Variants in FER observed in about 807,000 individuals in gnomAD.
FER encodes FER tyrosine kinase.
Under a neutral mutation model 111.0 loss-of-function variants are expected in FER, and 63 were observed. The observed-to-expected ratio is 0.57, with a 90% CI of 0.46 to 0.70. The LOEUF is 0.70. Ranked by LOEUF, FER falls within the 30% of genes least tolerant of loss-of-function variation. FER has a pLI of 0.00. For synonymous variants in FER, 327 were observed against 313.9 expected (o/e 1.04, Z -0.44); for missense variants, 914 against 954.0 (o/e 0.96, Z 0.55).
intron 16 of FER, among the ~76,000 whole-genome samples, chr5:109,076,305 T>C (rs2150007562): frequency 6.6e-6 from 1 of 152,354 alleles, no homozygotes; most frequent in Middle Eastern, 3.4e-3. Context: ...TTTATTACTA[T>C]GCTTTCATTG....
chr5:108,842,683 C>G (rs966047951), intron 5 of FER: 2 of 152,058 alleles, frequency 1.3e-5, no homozygotes, highest in Admixed American at 6.5e-5. Flanking sequence ...CAAATCAAAA[C>G]CACAATGTGA....
At chr5:108,863,664 C>T (rs1365377912) in intron 5 of FER, among the ~76,000 whole-genome samples, 1 of 151,900 alleles carries the variant, frequency 6.6e-6, no homozygotes, top group Non-Finnish European at 1.5e-5. Context: ...TAAATCTTCT[C>T]TAGGGATTTA....
intron 16 of FER, among the ~76,000 whole-genome samples, chr5:109,072,503 A>T (rs1319992132): frequency 2.0e-5 from 3 of 151,828 alleles, no homozygotes; most frequent in African/African-American, 7.2e-5. Context: ...TGTTGTTACA[A>T]CGAAAAATAA....
intron 10 of FER, among the ~76,000 whole-genome samples, chr5:108,939,679 A>G (rs1581300327): frequency 1.3e-5 from 2 of 152,080 alleles, no homozygotes; most frequent in South Asian, 2.1e-4. Flanking sequence ...CAAAAGAAGT[A>G]CAATATTATA....
intron 13 of FER, among the ~76,000 whole-genome samples, chr5:109,019,902 C>T (rs191530280): frequency 2.2e-3 from 332 of 151,960 alleles, no homozygotes; most frequent in African/African-American, 7.5e-3. Context: ...AACATTATCA[C>T]CAAAATCACC....
chr5:109,006,709 G>A (rs1765544790), intron 13 of FER, among the ~76,000 whole-genome samples: 1 of 152,052 alleles, frequency 6.6e-6, no homozygotes, highest in African/African-American at 2.4e-5. Context: ...TTATTTACAT[G>A]TGATTTCTAA....
intron 10 of FER, among the ~76,000 whole-genome samples, chr5:108,940,678 C>G (rs72793933): frequency 0.12 from 18,882 of 151,982 alleles, 1,233 homozygotes; most frequent in Middle Eastern, 0.17. Context: ...ACCCACAGAG[C>G]GAAGCACTAT....
chr5:109,047,079 A>G (rs111576582), intron 15 of FER, 25 bp from the exon 16 acceptor site: 2 of 1,051,262 alleles, frequency 1.9e-6, no homozygotes, highest in Non-Finnish European at 1.5e-6. Flanking sequence ...AATGATAACT[A>G]TTCGTATATT....
chr5:108,981,198 T>C (rs944131212), intron 13 of FER, among the ~76,000 whole-genome samples: 2 of 152,234 alleles, frequency 1.3e-5, no homozygotes, highest in Middle Eastern at 3.4e-3. Flanking sequence ...TTTAGTTTAC[T>C]TCCATTGTTT....
At chr5:108,793,688 G>C (rs980597036) in intron 2 of FER, among the ~76,000 whole-genome samples, 12 of 151,906 alleles carry the variant, frequency 7.9e-5, no homozygotes, top group Non-Finnish European at 8.8e-5. Flanking sequence ...TTTGTTTTCT[G>C]GTTGTTTTAT....
At chr5:108,987,186 C>T (rs1762665796) in intron 13 of FER, among the ~76,000 whole-genome samples, 1 of 152,132 alleles carries the variant, frequency 6.6e-6, no homozygotes, top group Non-Finnish European at 1.5e-5. Context: ...TGGCTCACAC[C>T]TGTAATCCCA....
chr5:108,765,426 TTTTC>T lies in FER; in HGVS notation c.-205-2663_-205-2660del, dbSNP rs1234806955. Among the ~76,000 whole-genome samples the T allele has an allele frequency of 2.0e-5, 3 of 152,246 alleles. No individual in the cohort carries two copies. In the East Asian group the frequency reaches 5.8e-4, roughly 29 times the overall value. ...TGTGACTAGCTTACTTTCTTTTCTC[TTTTC>T]TTTTTTTTTGACAGGGTATTGCTCT... On this transcript the variant is annotated intron_variant, in intron 1 of 19. Coordinates refer to ENST00000281092, the MANE Select transcript of FER (RefSeq NM_005246.4).
chr5:109,104,425 G>T (rs1748631916), intron 17 of FER, among the ~76,000 whole-genome samples: 1 of 152,136 alleles, frequency 6.6e-6, no homozygotes, highest in African/African-American at 2.4e-5. Flanking sequence ...GAATTCTTTG[G>T]GAGTAATATC....
chr5:109,055,110 A>C (rs183859262), intron 16 of FER, among the ~76,000 whole-genome samples: 1 of 152,300 alleles, frequency 6.6e-6, no homozygotes, highest in Non-Finnish European at 1.5e-5. Context: ...CTGCATTTTC[A>C]CATACAAAAG....
intron 19 of FER, 130 bp downstream of exon 19, chr5:109,186,452 CAGAAGCAGAT>C (rs1288053819): frequency 7.4e-7 from 1 of 1,342,900 alleles, no homozygotes; most frequent in African/African-American, 1.4e-5. Flanking sequence ...CTCTGGGGTT[CAGAAGCAGAT>C]TTATCTAACA....
intron 1 of FER, among the ~76,000 whole-genome samples, chr5:108,766,372 G>A (rs964363691): frequency 7.9e-5 from 12 of 152,178 alleles, no homozygotes; most frequent in Non-Finnish European, 2.9e-5. Context: ...CATTCATTTG[G>A]TAGTCACTTG....
chr5:108,887,536 T>C (rs778568903), intron 9 of FER, among the ~76,000 whole-genome samples: 6 of 151,542 alleles, frequency 4.0e-5, no homozygotes, highest in Non-Finnish European at 7.4e-5. Flanking sequence ...AAATATAGAA[T>C]GAAAGAAATA....
In FER at chr5:109,047,150, G is replaced by A; in HGVS notation, c.1876G>A (p.Val626Ile). The A allele has an allele frequency of 6.2e-7, 1 of 1,609,296 alleles. No homozygotes were observed. The highest frequency in any genetic ancestry group is 8.5e-7 in the Non-Finnish European group (1 of 1,177,650). Residue 626 changes from valine to isoleucine, a missense_variant, in exon 16 of 20, where the codon GTT becomes ATT. Val to Ile is a conservative substitution (Grantham distance 29, BLOSUM62 3). Transcript: ENST00000281092. Reference protein sequence around the residue: ...DHPNIVKLIGVCTQRQPVYII... With the variant: ...DHPNIVKLIGICTQRQPVYII... The stretch of plus-strand genomic sequence containing the variant: ...TCCCAATATTGTCAAACTTATAGGA[G>A]TTTGCACACAAAGACAGCCTGTCTA...
At chr5:109,122,630 T>C (rs1441630068) in intron 17 of FER, among the ~76,000 whole-genome samples, 2 of 151,862 alleles carry the variant, frequency 1.3e-5, no homozygotes, top group Non-Finnish European at 2.9e-5. Flanking sequence ...TTTGTTCATT[T>C]TCTGTATGGA....
Sources: gnomAD v4.1 joint callset for allele counts (sites outside exome capture counted in the v4.1 genomes callset) on GRCh38, gnomAD v4.1.1 for gene constraint, MANE v1.5 for transcripts, NCBI Gene and HGNC (gene_info 2026-07-23, HGNC 2026-07-21) for gene names.